Variants in ZNF536 observed in about 807,000 individuals in gnomAD.
ZNF536 encodes the protein zinc finger protein 536.
Under a neutral mutation model 84.5 loss-of-function variants are expected in ZNF536, and 13 were observed. The ratio of observed to expected loss-of-function variants is 0.15; its 90% CI spans 0.10 to 0.24. The LOEUF is 0.24. Ranked by LOEUF, ZNF536 falls within the 10% of genes least tolerant of loss-of-function variation. The pLI, the probability that ZNF536 is intolerant of heterozygous loss-of-function variation, is 1.00. For missense variants in ZNF536, 1,536 were observed against 1,747.5 expected (o/e 0.88, Z 2.16); for synonymous variants, 811 against 742.5 (o/e 1.09, Z -1.50).
intron 1 of ZNF536, among the ~76,000 whole-genome samples, chr19:30,233,413 C>T (rs576243640): frequency 6.6e-6 from 1 of 151,638 alleles, no homozygotes; most frequent in Non-Finnish European, 1.5e-5. Context: ...GGTGCAATCA[C>T]GGCTCACTGT....
chr19:30,259,695 C>T (rs1276594269), intron 1 of ZNF536, among the ~76,000 whole-genome samples: 2 of 152,166 alleles, frequency 1.3e-5, no homozygotes, highest in Non-Finnish European at 2.9e-5. Context: ...CCTGTAGACC[C>T]AGTCAGTAAG....
chr19:30,397,363 C>T (rs1467459770), intron 1 of ZNF536, among the ~76,000 whole-genome samples: 1 of 152,214 alleles, frequency 6.6e-6, no homozygotes, highest in African/African-American at 2.4e-5. Context: ...AATACACACA[C>T]CACACTCACA....
At chr19:30,522,459 A>C (rs1472916014) in intron 2 of ZNF536, among the ~76,000 whole-genome samples, 1 of 151,652 alleles carries the variant, frequency 6.6e-6, no homozygotes, top group African/African-American at 2.4e-5. Flanking sequence ...CAAAAATGGC[A>C]GTAACTTCAG....
chr19:30,363,290 A>G (rs1378640051), intron 3 of ZNF536, among the ~76,000 whole-genome samples: 1 of 152,142 alleles, frequency 6.6e-6, no homozygotes, highest in Non-Finnish European at 1.5e-5. Context: ...TTCAGTTAGC[A>G]CTGAAGTCTG....
chr19:30,708,893 G>A (rs534075824), intron 1 of ZNF536, among the ~76,000 whole-genome samples: 1 of 152,176 alleles, frequency 6.6e-6, no homozygotes, highest in Non-Finnish European at 1.5e-5. Context: ...ATATGTGTTT[G>A]CTTGTTCTCT....
At chr19:30,506,285 A>G (rs1020780553) in intron 2 of ZNF536, among the ~76,000 whole-genome samples, 1 of 152,060 alleles carries the variant, frequency 6.6e-6, no homozygotes, top group Admixed American at 6.5e-5. Context: ...ACTTTTCTCT[A>G]TGTCCCTAAA....
chr19:30,392,350 G>A (rs2049629601), intron 1 of ZNF536, among the ~76,000 whole-genome samples: 1 of 152,162 alleles, frequency 6.6e-6, no homozygotes, highest in Non-Finnish European at 1.5e-5. Context: ...AGCCGCCAAA[G>A]GGATTCCATT....
chr19:30,247,690 G>A (rs1599874986), intron 1 of ZNF536, among the ~76,000 whole-genome samples: 2 of 152,238 alleles, frequency 1.3e-5, no homozygotes, highest in East Asian at 1.9e-4. Context: ...ATTAGCTGGT[G>A]TGGTGGTATA....
chr19:30,302,486 C>T (rs939407412), intron 2 of ZNF536, among the ~76,000 whole-genome samples: 34 of 152,132 alleles, frequency 2.2e-4, no homozygotes, highest in African/African-American at 7.7e-4. Context: ...CACGAAGACC[C>T]GGGTGGTCCT....
Position 30,414,501 on chromosome 19 carries a change from G to C in ZNF536, c.-2-29060G>C, listed in dbSNP as rs538711218. On this transcript the variant is annotated intron_variant, in intron 1 of 4. Transcript: ENST00000355537. Reference sequence around the variant, plus strand: ...ATTTTTTTTCTTTTCTGATTTAAAAGTGTACACCTGGGGTTTGGTCACATA... The same window carrying C: ...ATTTTTTTTCTTTTCTGATTTAAAACTGTACACCTGGGGTTTGGTCACATA... Among the ~76,000 whole-genome samples the C allele has an allele frequency of 2.0e-5, 3 of 152,104 alleles. No homozygotes were observed. The South Asian group carries it at 6.2e-4, about 32-fold the overall frequency.
chr19:30,465,233 C>T (rs1030272752), intron 2 of ZNF536, among the ~76,000 whole-genome samples: 2 of 152,160 alleles, frequency 1.3e-5, no homozygotes, highest in East Asian at 1.9e-4. Flanking sequence ...GCCTGCTGCT[C>T]TCTCAGGCCT....
chr19:30,537,349 A>T (rs1036578989), intron 3 of ZNF536, among the ~76,000 whole-genome samples: 12 of 152,240 alleles, frequency 7.9e-5, no homozygotes, highest in Admixed American at 2.6e-4. Flanking sequence ...AGGATACGGG[A>T]GGTGGTCCAC....
intron 1 of ZNF536, among the ~76,000 whole-genome samples, chr19:30,684,777 AT>A (rs1004331205): frequency 6.6e-6 from 1 of 152,104 alleles, no homozygotes; most frequent in Non-Finnish European, 1.5e-5. Flanking sequence ...GCATGACTTT[AT>A]AGGGGCTGAT....
chr19:30,268,584 C>T (rs2025650344), intron 1 of ZNF536, among the ~76,000 whole-genome samples: 1 of 152,104 alleles, frequency 6.6e-6, no homozygotes, highest in Non-Finnish European at 1.5e-5. Flanking sequence ...AACAAATGGA[C>T]GATCTATAAC....
At chr19:30,546,057 A>G (rs1370332149) in intron 3 of ZNF536, among the ~76,000 whole-genome samples, 3 of 151,742 alleles carry the variant, frequency 2.0e-5, no homozygotes, top group Non-Finnish European at 4.4e-5. Context: ...CCCCATCACA[A>G]CCCCTCTAAG....
intron 1 of ZNF536, among the ~76,000 whole-genome samples, chr19:30,618,907 G>A (rs1367475694): frequency 6.6e-6 from 1 of 151,760 alleles, no homozygotes; most frequent in African/African-American, 2.4e-5. Context: ...TACATCTTTG[G>A]GGTTTTGTTA....
intron 1 of ZNF536, among the ~76,000 whole-genome samples, chr19:30,596,104 G>C (rs1467005290): frequency 6.6e-6 from 1 of 152,150 alleles, no homozygotes; most frequent in Non-Finnish European, 1.5e-5. Context: ...GGGACATACT[G>C]TTCTTTCTTC....
Position 30,228,758 on chromosome 19 carries a change from G to C in ZNF536, c.-190+85G>C, listed in dbSNP as rs1297978547. 1.3e-5 allele frequency: 2 copies of C among 151,088 alleles called. No individual in the cohort carries two copies. Among genetic ancestry groups the C allele is most frequent in the East Asian group, 3.9e-4 (2 of 5,160 alleles). The allele number at this position is 151,088 out of a possible 1,614,324, so 9.4% of individuals were successfully genotyped here. ...GGTGCCGCGAGCTGCGCGCCGCCCC[G>C]GGCCGGCCTCGCGTGTGGGCGGCTG... On this transcript the variant is annotated intron_variant, in intron 1 of 5. Coordinates refer to the ZNF536 transcript ENST00000585628. The surrounding 1 kb of genome is among the most constrained non-coding windows in gnomAD (Gnocchi z 4.5).
At chr19:30,470,830 T>G (rs575939111) in intron 2 of ZNF536, among the ~76,000 whole-genome samples, 1 of 151,748 alleles carries the variant, frequency 6.6e-6, no homozygotes, top group Non-Finnish European at 1.5e-5. Flanking sequence ...GGATTATAGG[T>G]GCATGCCACC....
Sources: gnomAD v4.1 joint callset for allele counts (sites outside exome capture counted in the v4.1 genomes callset) on GRCh38, gnomAD v4.1.1 for gene constraint, Gnocchi (gnomAD v3.1) non-coding constraint, MANE v1.5 for transcripts, NCBI Gene and HGNC (gene_info 2026-07-23, HGNC 2026-07-21) for gene names.